Variants in CCND3 observed in about 807,000 individuals in gnomAD.
The protein encoded by CCND3 is cyclin D3.
Under a neutral mutation model 28.7 loss-of-function variants are expected in CCND3, and 9 were observed. The observed-to-expected ratio is 0.31, with a 90% CI of 0.19 to 0.55. The LOEUF is 0.55. Ranked by LOEUF, CCND3 falls within the 20% of genes least tolerant of loss-of-function variation. The pLI, the probability that CCND3 is intolerant of heterozygous loss-of-function variation, is 0.93. For synonymous variants in CCND3, 164 were observed against 163.9 expected (o/e 1.00, Z 0.00); for missense variants, 315 against 385.8 (o/e 0.82, Z 1.54).
chr6:41,992,309 C>T (rs1762672435), intron 1 of CCND3, among the ~76,000 whole-genome samples: 1 of 150,878 alleles, frequency 6.6e-6, no homozygotes, highest in African/African-American at 2.4e-5. Flanking sequence ...ATTACAGGTG[C>T]CTGCCACCAT....
rs1332799607 is a variant in CCND3 at position 41,939,386 on chromosome 6, C to T, written c.414+984G>A. 6.6e-6 allele frequency among the ~76,000 whole-genome samples: 1 copy of T among 152,164 alleles called. No homozygotes were observed. Among genetic ancestry groups the T allele is most frequent in the Non-Finnish European group, 1.5e-5 (1 of 68,016 alleles). ...AGGTGGAGGAAGGTGCCAGCTCACCCACCCTCTCCCCCAGCCTCCCTAGGA... is the reference window on the plus strand; with the variant it reads ...AGGTGGAGGAAGGTGCCAGCTCACCTACCCTCTCCCCCAGCCTCCCTAGGA... On this transcript the variant is annotated intron_variant, in intron 2 of 4. Transcript: ENST00000372991. This position sits in a 1 kb window ranked among gnomAD's most constrained non-coding sequence, Gnocchi z 4.2.
Position 41,935,616 on chromosome 6 carries a change from GT to G in CCND3, c.*323del. 4.5e-6 allele frequency: 2 copies of G among 441,990 alleles called. No individual in the cohort carries two copies. Among genetic ancestry groups the G allele is most frequent in the Middle Eastern group, 5.9e-4 (1 of 1,708 alleles). 27.4% of individuals were successfully genotyped at this position (441,990 alleles called of 1,614,324 possible). A position where few individuals can be genotyped will look rare whatever the true frequency, so the allele number is the denominator to read the frequency against. On this transcript the variant is annotated 3_prime_UTR_variant, in exon 5 of 5. Transcript: ENST00000372991. ...GTTGAAAACATGAGAGCCCCCAGGG[GT>G]GGGGGGGGGCGTTCAAAAGGAATGC...
upstream of CCND3, among the ~76,000 whole-genome samples, chr6:41,943,256 C>T (rs931556322): frequency 6.6e-6 from 1 of 151,766 alleles, no homozygotes; most frequent in Non-Finnish European, 1.5e-5. Flanking sequence ...ACAAATAAGC[C>T]ACAAAAAAAG....
chr6:41,973,468 A>G (rs1762089374), intron 1 of CCND3, among the ~76,000 whole-genome samples: 2 of 152,234 alleles, frequency 1.3e-5, no homozygotes, highest in South Asian at 4.1e-4. Context: ...ATTGCTCTAT[A>G]ATAGAAAATT....
chr6:41,997,592 A>G (rs1189741191), intron 1 of CCND3, among the ~76,000 whole-genome samples: 1 of 152,130 alleles, frequency 6.6e-6, no homozygotes, highest in Non-Finnish European at 1.5e-5. Context: ...CCAAAGTGGG[A>G]GCTCAAAACC....
intron 1 of CCND3, among the ~76,000 whole-genome samples, chr6:42,027,282 A>C (rs1241695129): frequency 6.6e-6 from 1 of 152,106 alleles, no homozygotes. Flanking sequence ...TACTAAAAAT[A>C]CAAAAAAATT....
intron 1 of CCND3, among the ~76,000 whole-genome samples, chr6:42,027,958 G>C (rs953739763): frequency 1.3e-5 from 2 of 152,120 alleles, no homozygotes; most frequent in Admixed American, 6.6e-5. Flanking sequence ...CGTTGGTCAG[G>C]CTGGTCTCAA....
intron 1 of CCND3, among the ~76,000 whole-genome samples, chr6:41,976,661 TCA>T (rs537607045): frequency 7.5e-4 from 114 of 152,240 alleles, no homozygotes; most frequent in African/African-American, 2.7e-3. Context: ...AAAAACGGTC[TCA>T]GTCACTGTGG....
intron 1 of CCND3, among the ~76,000 whole-genome samples, chr6:41,972,422 A>G (rs1299177875): frequency 1.3e-5 from 2 of 152,024 alleles, no homozygotes; most frequent in Non-Finnish European, 2.9e-5. Context: ...GGCTGCAAAG[A>G]ATATGTGGTG....
chr6:42,014,209 C>T (rs1446470555), intron 1 of CCND3, among the ~76,000 whole-genome samples: 1 of 140,154 alleles, frequency 7.1e-6, no homozygotes, highest in East Asian at 2.2e-4. Context: ...ACCAAAAATA[C>T]AAAAAAAATT....
intron 1 of CCND3, among the ~76,000 whole-genome samples, chr6:41,984,974 C>A (rs993248932): frequency 2.0e-5 from 3 of 152,182 alleles, no homozygotes; most frequent in African/African-American, 7.2e-5. Context: ...CTCAACTGAC[C>A]TTTGCTCATT....
intron 1 of CCND3, among the ~76,000 whole-genome samples, chr6:41,983,908 T>A (rs868434192): frequency 1.3e-5 from 2 of 152,126 alleles, no homozygotes; most frequent in Admixed American, 1.3e-4. Context: ...AATCTATTTA[T>A]CCTATCAAAC....
chr6:41,988,815 G>C lies in CCND3; in HGVS notation c.-45-48230C>G, dbSNP rs575953631. Among the ~76,000 whole-genome samples the C allele has an allele frequency of 1.9e-4, 28 of 148,912 alleles. 1 individual carries two copies. The highest frequency in any genetic ancestry group is 6.9e-4 in the Admixed American group (10 of 14,556). ...CCGGGTTCACGCCATTCTCCTGCCT[G>C]AGGCTCCCGAATAGCTGGGACTACA... On this transcript the variant is annotated intron_variant, in intron 1 of 4. Transcript: ENST00000372988.
At chr6:42,027,162 G>A (rs1012527564) in intron 1 of CCND3, among the ~76,000 whole-genome samples, 6 of 152,188 alleles carry the variant, frequency 3.9e-5, no homozygotes, top group South Asian at 2.1e-4. Flanking sequence ...CCACTAGGCC[G>A]GGCGCGGTGG....
intron 1 of CCND3, among the ~76,000 whole-genome samples, chr6:42,032,549 C>T (rs755919333): frequency 6.6e-6 from 1 of 152,258 alleles, no homozygotes; most frequent in Non-Finnish European, 1.5e-5. Context: ...GGCCACAAGC[C>T]GGGCACGGGC....
chr6:41,996,520 G>A (rs975722950), intron 1 of CCND3, among the ~76,000 whole-genome samples: 2 of 151,988 alleles, frequency 1.3e-5, no homozygotes, highest in Admixed American at 1.3e-4. Flanking sequence ...TTTCTACGAA[G>A]CCTTTCAAAA....
At chr6:41,990,660 ATT>A (rs67939325) in intron 1 of CCND3, among the ~76,000 whole-genome samples, 1 of 121,274 alleles carries the variant, frequency 8.2e-6, no homozygotes, top group Non-Finnish European at 1.6e-5. Context: ...TAACCAACTG[ATT>A]TTTTTTTTTT....
At chr6:42,044,936 G>A (rs1397549142) in intron 1 of CCND3, among the ~76,000 whole-genome samples, 5 of 149,222 alleles carry the variant, frequency 3.4e-5, no homozygotes, top group Non-Finnish European at 7.4e-5. Flanking sequence ...TTACAGGCCC[G>A]TGCGACCACG....
upstream of CCND3, among the ~76,000 whole-genome samples, chr6:41,946,543 G>A (rs1582095123): frequency 7.6e-6 from 1 of 131,796 alleles, no homozygotes; most frequent in Admixed American, 8.8e-5. Context: ...GGAGATTGCA[G>A]TGAGCCCAGA....
Sources: allele counts gnomAD v4.1 joint callset (sites outside exome capture counted in the v4.1 genomes callset), GRCh38; gene constraint gnomAD v4.1.1; non-coding constraint Gnocchi (gnomAD v3.1); transcripts MANE v1.5; gene names NCBI Gene and HGNC (gene_info 2026-07-23, HGNC 2026-07-21).